Variants in NAV1 observed in about 807,000 individuals in gnomAD.
The protein encoded by NAV1 is neuron navigator 1, also known as pore membrane and/or filament interacting like protein 3.
NAV1 carries 18 observed loss-of-function variants against 175.2 expected under a neutral mutation model. That is an observed-to-expected ratio of 0.10 (90% CI 0.07 to 0.15). NAV1 has a LOEUF of 0.15. Ranked by LOEUF, NAV1 falls within the 10% of genes least tolerant of loss-of-function variation. The pLI is 1.00. For synonymous variants in NAV1, 897 were observed against 978.7 expected (o/e 0.92, Z 1.56); for missense variants, 1,731 against 2,436.6 (o/e 0.71, Z 6.10).
intron 1 of NAV1, chr1:201,673,061 C>A (rs1670106138): frequency 6.6e-6 from 1 of 152,226 alleles, no homozygotes. Flanking sequence ...TTAAACACAC[C>A]TCTTTTTGCA....
At chr1:201,768,600 T>C (rs1434246358) in intron 3 of NAV1, among the ~76,000 whole-genome samples, 1 of 147,474 alleles carries the variant, frequency 6.8e-6, no homozygotes, top group African/African-American at 2.5e-5. Context: ...ATCACACCAC[T>C]GTACTCCAGC....
rs149104722 is a variant in NAV1 at position 201,736,595 on chromosome 1, C to T, written c.1226+17840C>T. ...TGTGGGAAGGAAGAGAGAATTACCCCCTCCCAGGAATCTGGCTGAGGGACC... is the reference window on the plus strand; with the variant it reads ...TGTGGGAAGGAAGAGAGAATTACCCTCTCCCAGGAATCTGGCTGAGGGACC... On this transcript the variant is annotated intron_variant, in intron 3 of 29. Transcript: ENST00000367296. Among the ~76,000 whole-genome samples the T allele has an allele frequency of 5.7e-3, 870 of 152,274 alleles. 8 individuals are homozygous for T. Among genetic ancestry groups the T allele is most frequent in the Non-Finnish European group, 7.0e-3 (478 of 68,028 alleles).
chr1:201,804,971 A>G (rs548727907), intron 17 of NAV1, among the ~76,000 whole-genome samples: 1 of 152,278 alleles, frequency 6.6e-6, no homozygotes, highest in South Asian at 2.1e-4. Context: ...AGTAGGATGA[A>G]CCAGAGATAG....
chr1:201,598,630 G>A (rs748735304), intron 2 of NAV1, among the ~76,000 whole-genome samples: 1 of 152,210 alleles, frequency 6.6e-6, no homozygotes, highest in Non-Finnish European at 1.5e-5. Flanking sequence ...AGCAGGGGGT[G>A]GAGCTGTGAC....
chr1:201,758,416 A>C (rs1353209415), intron 3 of NAV1, among the ~76,000 whole-genome samples: 2 of 152,248 alleles, frequency 1.3e-5, no homozygotes, highest in East Asian at 3.8e-4. Context: ...GTCAAGCTAC[A>C]TAGCCTATCC....
intron 1 of NAV1, among the ~76,000 whole-genome samples, chr1:201,696,248 T>G (rs184321125): frequency 1.6e-4 from 24 of 152,316 alleles, no homozygotes; most frequent in Admixed American, 1.6e-3. Flanking sequence ...CCTGAAGCTC[T>G]GCTTTTGGCT....
In NAV1 at chr1:201,788,606, G is replaced by A. The variant is rs752613539; in HGVS notation, c.3134G>A (p.Arg1045Gln). The change falls in exon 10 of 30, where the codon CGG (arginine) becomes CAG (glutamine). Residue 1045 changes from arginine (R) to glutamine (Q), a missense_variant. Around this residue, in one of 13 missense-constraint regions of NAV1, gnomAD observed 85 missense variants for 168.7 expected, o/e 0.50. Coordinates refer to ENST00000367296, the Ensembl canonical transcript of NAV1. The surrounding 1 kb of genome is among the most constrained non-coding windows in gnomAD (Gnocchi z 5.7). ...GCCGAGAGACCCAAGGGAATGATTCGGTCAGGATCCTTCCGAGACCCCACG... is the reference window on the plus strand; with the variant it reads ...GCCGAGAGACCCAAGGGAATGATTCAGTCAGGATCCTTCCGAGACCCCACG... The A allele has an allele frequency of 2.4e-5, 39 of 1,613,722 alleles. No homozygotes were observed. The highest frequency in any genetic ancestry group is 8.9e-5 in the East Asian group (4 of 44,882).
intron 22 of NAV1, 78 bp downstream of exon 26, chr1:201,809,615 CT>C (rs1678560391): frequency 8.1e-6 from 11 of 1,356,766 alleles, no homozygotes; most frequent in African/African-American, 1.4e-5. Context: ...CAGGGTCTCA[CT>C]CTTGCCACCC....
At chr1:201,756,870 TTCTTTCTTTCTTTCTCTG>T (rs1558131822) in intron 3 of NAV1, among the ~76,000 whole-genome samples, 63 of 109,892 alleles carry the variant, frequency 5.7e-4, no homozygotes, top group African/African-American at 2.6e-3. Flanking sequence ...CTTTCTTTCT[TTCTTTCTTTCTTTCTCTG>T]TCTTTCTCCC....
At chr1:201,589,667 T>C (rs1667132177) in intron 2 of NAV1, among the ~76,000 whole-genome samples, 1 of 152,128 alleles carries the variant, frequency 6.6e-6, no homozygotes, top group African/African-American at 2.4e-5. Flanking sequence ...ATTTCTTGTA[T>C]TTTTAGTAGA....
intron 1 of NAV1, among the ~76,000 whole-genome samples, chr1:201,628,880 G>A (rs559434808): frequency 1.9e-3 from 286 of 152,280 alleles, no homozygotes; most frequent in Non-Finnish European, 3.5e-3. Context: ...TGTGATTGCA[G>A]CTGAGCCTAC....
chr1:201,569,748 T>C lies in NAV1; in HGVS notation c.-143-18791T>C, dbSNP rs180691154. On this transcript the variant is annotated intron_variant, in intron 1 of 33. Coordinates refer to the NAV1 transcript ENST00000685211. ...GAGGAAGCAGTTAGTAACCCCCTCA[T>C]GAGGAAGCCCCTCGCAGTATCCGCT... Among the ~76,000 whole-genome samples the C allele has an allele frequency of 6.0e-3, 920 of 152,332 alleles. 3 individuals are homozygous for C. Among genetic ancestry groups the C allele is most frequent in the Non-Finnish European group, 9.8e-3 (664 of 68,036 alleles).
intron 3 of NAV1, among the ~76,000 whole-genome samples, chr1:201,772,624 C>A (rs762938226): frequency 6.6e-6 from 1 of 152,120 alleles, no homozygotes; most frequent in Non-Finnish European, 1.5e-5. Flanking sequence ...GTTGTCTATA[C>A]CTCTGTCATG....
In NAV1 at chr1:201,808,308, T is replaced by G; in HGVS notation, c.3846-110T>G. Reference sequence around the variant, plus strand: ...GATGGACCTTTCTTCTCATGCTGATTGAATATCAATGGGCAGGAGAAGCCA... The same window carrying G: ...GATGGACCTTTCTTCTCATGCTGATGGAATATCAATGGGCAGGAGAAGCCA... On this transcript the variant is annotated intron_variant, in intron 18 of 29. Transcript: ENST00000367296. This position sits in a 1 kb window ranked among gnomAD's most constrained non-coding sequence, Gnocchi z 5.5. The G allele has an allele frequency of 7.1e-7, 1 of 1,405,676 alleles. No individual in the cohort carries two copies. Among genetic ancestry groups the G allele is most frequent in the Non-Finnish European group, 9.7e-7 (1 of 1,034,552 alleles). 87.1% of individuals were successfully genotyped at this position (1,405,676 alleles called of 1,614,324 possible). A position where few individuals can be genotyped will look rare whatever the true frequency, so the allele number is the denominator to read the frequency against.
rs1571889061 is a variant in NAV1, at chr1:201,694,533, G to T, written c.758-18284G>T. 1.3e-5 allele frequency among the ~76,000 whole-genome samples: 2 copies of T among 152,180 alleles called. No individual in the cohort carries two copies. The highest frequency in any genetic ancestry group is 3.9e-4 in the East Asian group (2 of 5,192). ...TCATTTGCAGGGAGAATGCAGCCAG[G>T]ACCACCAGCCCTGGCTGCAGAGGGA... is the stretch of plus-strand genomic sequence containing the variant. On this transcript the variant is annotated intron_variant, in intron 1 of 29. Coordinates refer to ENST00000367296, the Ensembl canonical transcript of NAV1. The surrounding 1 kb of genome is among the most constrained non-coding windows in gnomAD (Gnocchi z 4.2).
chr1:201,811,326 A>G (rs577083603), intron 24 of NAV1, among the ~76,000 whole-genome samples: 3 of 152,132 alleles, frequency 2.0e-5, no homozygotes, highest in Admixed American at 6.5e-5. Flanking sequence ...AGGCATGCCC[A>G]TTAGTAGTAG....
At chr1:201,798,658 A>T in intron 15 of NAV1, 1 of 145,024 alleles carries the variant, frequency 6.9e-6, no homozygotes. Context: ...TATGGACTAG[A>T]TATTACATGA....
chr1:201,817,361 C>T, intron 29 of NAV1, 76 bp downstream of exon 33: 1 of 1,379,856 alleles, frequency 7.2e-7, no homozygotes. Context: ...TGGCTCACAC[C>T]TGTAATCCCA....
chr1:201,601,456 C>T (rs1316176622), intron 2 of NAV1, among the ~76,000 whole-genome samples: 1 of 152,064 alleles, frequency 6.6e-6, no homozygotes, highest in Admixed American at 6.6e-5. Flanking sequence ...GTACCCCAGC[C>T]TCGGTGAGGG....
Sources: allele counts gnomAD v4.1 joint callset (sites outside exome capture counted in the v4.1 genomes callset), GRCh38; gene constraint gnomAD v4.1.1; regional missense constraint gnomAD v4.1.1; non-coding constraint Gnocchi (gnomAD v3.1); transcripts MANE v1.5; gene names NCBI Gene and HGNC (gene_info 2026-07-23, HGNC 2026-07-21).